UBE2V2: variants seen among roughly 807,000 people sequenced by gnomAD.
UBE2V2 encodes ubiquitin conjugating enzyme E2 V2.
UBE2V2 carries 9 observed loss-of-function variants against 17.2 expected under a neutral mutation model. The ratio of observed to expected loss-of-function variants is 0.52; its 90% CI spans 0.32 to 0.91. The LOEUF (loss-of-function observed/expected upper bound fraction) is 0.91. Among genes scored for constraint, UBE2V2 ranks in the 40% least tolerant of loss-of-function variants. UBE2V2 has a pLI of 0.04. For synonymous variants in UBE2V2, 61 were observed against 57.5 expected (o/e 1.06, Z -0.28); for missense variants, 133 against 182.6 (o/e 0.73, Z 1.56).
intron 1 of UBE2V2, among the ~76,000 whole-genome samples, chr8:48,022,230 CGG>C (rs972370984): frequency 6.7e-6 from 1 of 149,746 alleles, no homozygotes; most frequent in Non-Finnish European, 1.5e-5. Context: ...CTTCGCCTCC[CGG>C]GTTCATGTGA....
intron 1 of UBE2V2, 92 bp downstream of exon 1, chr8:48,008,562 A>T (rs893765355): frequency 2.4e-5 from 36 of 1,476,034 alleles, no homozygotes; most frequent in Non-Finnish European, 3.0e-5. Flanking sequence ...ACCGTGCGGG[A>T]GAAGCCCGAG....
upstream of UBE2V2, among the ~76,000 whole-genome samples, chr8:48,004,514 T>C (rs2091170906): frequency 7.0e-6 from 1 of 143,286 alleles, no homozygotes; most frequent in Non-Finnish European, 1.5e-5. Context: ...CCTCTTCTGT[T>C]TTTTTTTTTT....
At chr8:48,006,825 C>A (rs181226548), upstream of UBE2V2, among the ~76,000 whole-genome samples, 82 of 152,178 alleles carry the variant, frequency 5.4e-4, no homozygotes, top group African/African-American at 1.8e-3. Flanking sequence ...AAACCCACAG[C>A]CAATATCATA....
At chr8:48,010,269 C>T (rs2091218611) in intron 1 of UBE2V2, among the ~76,000 whole-genome samples, 1 of 149,474 alleles carries the variant, frequency 6.7e-6, no homozygotes, top group African/African-American at 2.5e-5. Context: ...TGGAGTCTCG[C>T]TGCATTGCCC....
At chr8:48,031,635 A>T (rs2091383674) in intron 1 of UBE2V2, among the ~76,000 whole-genome samples, 1 of 152,114 alleles carries the variant, frequency 6.6e-6, no homozygotes. Context: ...GATGCTTCAG[A>T]TGTACGAAGT....
At chr8:48,037,471 A>G (rs1367532637) in intron 1 of UBE2V2, among the ~76,000 whole-genome samples, 1 of 152,226 alleles carries the variant, frequency 6.6e-6, no homozygotes, top group Non-Finnish European at 1.5e-5. Flanking sequence ...TATACCACTG[A>G]TACAGTTTAG....
chr8:48,015,918 G>C (rs1488309682), intron 1 of UBE2V2, among the ~76,000 whole-genome samples: 5 of 123,650 alleles, frequency 4.0e-5, no homozygotes, highest in Non-Finnish European at 8.2e-5. Context: ...TTTTTTTTGA[G>C]ACGGAGTCTC....
chr8:47,998,678 GA>G, the UBE2V2 span, among the ~76,000 whole-genome samples: 1 of 151,338 alleles, frequency 6.6e-6, no homozygotes, highest in Non-Finnish European at 1.5e-5. Flanking sequence ...GAGGGAGGGG[GA>G]GAGAGAGAGA....
chr8:48,044,546 C>G (rs996131235), intron 2 of UBE2V2, among the ~76,000 whole-genome samples: 3 of 152,124 alleles, frequency 2.0e-5, no homozygotes, highest in Non-Finnish European at 4.4e-5. Flanking sequence ...TCTGGTGTTC[C>G]TTTGCAAAAT....
intron 1 of UBE2V2, among the ~76,000 whole-genome samples, chr8:48,040,040 C>CTTTTTTTTT (rs56888818): frequency 7.1e-6 from 1 of 140,326 alleles, no homozygotes. Context: ...GCCTTTTCTA[C>CTTTTTTTTT]TTTTTTTTTT....
chr8:48,009,222 A>G (rs1269230300), intron 1 of UBE2V2, among the ~76,000 whole-genome samples: 1 of 150,896 alleles, frequency 6.6e-6, no homozygotes, highest in African/African-American at 2.4e-5. Flanking sequence ...TTTAGTTTAC[A>G]TTTAAAAATG....
At chr8:47,998,329 A>G in the UBE2V2 span, among the ~76,000 whole-genome samples, 1 of 152,014 alleles carries the variant, frequency 6.6e-6, no homozygotes, top group African/African-American at 2.4e-5. Context: ...ACGTAGAAGA[A>G]GAAGAGACTG....
intron 1 of UBE2V2, among the ~76,000 whole-genome samples, chr8:48,026,093 TC>T (rs1484992737): frequency 1.7e-4 from 26 of 152,038 alleles, no homozygotes; most frequent in Non-Finnish European, 3.5e-4. Context: ...ACTGTTCCTT[TC>T]TTTTTTTTTT....
In UBE2V2 at chr8:48,062,881, A is replaced by T. The variant is rs1053251690; in HGVS notation, c.*2053A>T. ...CAAATTAGTGCATTTGTAATTTGTT[A>T]AATTTGAAATGAACTATTACCTTGA... On this transcript the variant is annotated 3_prime_UTR_variant, in exon 4 of 4. Transcript: ENST00000523111. 2 of 152,228 alleles carry T rather than the reference A, an allele frequency of 1.3e-5. No individual in the cohort carries two copies. The highest frequency in any genetic ancestry group is 4.8e-5 in the African/African-American group (2 of 41,458). The allele number at this position is 152,228 out of a possible 1,614,324, so 9.4% of individuals were successfully genotyped here.
chr8:48,058,768 T>G (rs2091589717), intron 3 of UBE2V2, among the ~76,000 whole-genome samples: 1 of 151,926 alleles, frequency 6.6e-6, no homozygotes, highest in Non-Finnish European at 1.5e-5. Flanking sequence ...CATGAAAGGT[T>G]TTTGGATTTT....
chr8:48,019,592 G>A (rs1017128961), intron 1 of UBE2V2, among the ~76,000 whole-genome samples: 2 of 151,514 alleles, frequency 1.3e-5, no homozygotes, highest in Admixed American at 6.6e-5. Context: ...TGAGGCTGGC[G>A]GATCATGAGG....
chr8:48,028,543 G>A (rs960505453), intron 1 of UBE2V2, among the ~76,000 whole-genome samples: 1 of 151,976 alleles, frequency 6.6e-6, no homozygotes. Context: ...TCACCATGTT[G>A]GTCAGGCTAA....
At chr8:48,027,994 C>T (rs2091356954) in intron 1 of UBE2V2, among the ~76,000 whole-genome samples, 1 of 151,848 alleles carries the variant, frequency 6.6e-6, no homozygotes, top group Non-Finnish European at 1.5e-5. Flanking sequence ...GCTGGGATTA[C>T]AGGTGCCCAC....
the UBE2V2 span, among the ~76,000 whole-genome samples, chr8:47,998,775 G>T: frequency 5.3e-5 from 8 of 151,132 alleles, no homozygotes; most frequent in African/African-American, 7.3e-5. Flanking sequence ...AGAATGTAAG[G>T]TCAGCCAAGA....
Sources: gnomAD v4.1 joint callset for allele counts (sites outside exome capture counted in the v4.1 genomes callset) on GRCh38, gnomAD v4.1.1 for gene constraint, MANE v1.5 for transcripts, NCBI Gene and HGNC (gene_info 2026-07-23, HGNC 2026-07-21) for gene names.